The following HS3ST5 variants were observed in gnomAD, a reference collection of about 807,000 sequenced individuals.
HS3ST5 encodes heparan sulfate-glucosamine 3-sulfotransferase 5.
In HS3ST5, 10 loss-of-function variants were observed where a neutral mutation model predicts 25.4. The observed-to-expected ratio is 0.39, with a 90% CI of 0.24 to 0.67. The LOEUF (loss-of-function observed/expected upper bound fraction) is 0.67. Ranked by LOEUF, HS3ST5 falls within the 30% of genes least tolerant of loss-of-function variation. The pLI is 0.44. For missense variants in HS3ST5, 324 were observed against 420.7 expected (o/e 0.77, Z 2.01); for synonymous variants, 170 against 162.4 (o/e 1.05, Z -0.36).
chr6:114,245,680 G>T (rs530596311), intron 1 of HS3ST5, among the ~76,000 whole-genome samples: 1 of 152,302 alleles, frequency 6.6e-6, no homozygotes, highest in East Asian at 1.9e-4. Flanking sequence ...CTGATAGATT[G>T]CTCTGACACA....
intron 3 of HS3ST5, among the ~76,000 whole-genome samples, chr6:114,118,631 G>A (rs1374946941): frequency 6.6e-6 from 1 of 152,146 alleles, no homozygotes; most frequent in Admixed American, 6.6e-5. Flanking sequence ...CCCACAGGTG[G>A]GACAGGCCTC....
At chr6:114,133,668 A>G (rs1426912915) in intron 3 of HS3ST5, among the ~76,000 whole-genome samples, 1 of 152,240 alleles carries the variant, frequency 6.6e-6, no homozygotes, top group Non-Finnish European at 1.5e-5. Flanking sequence ...CAAAAATATA[A>G]GAAAAATAAT....
chr6:114,185,165 T>G (rs914760859), intron 2 of HS3ST5, among the ~76,000 whole-genome samples: 2 of 152,186 alleles, frequency 1.3e-5, no homozygotes, highest in Non-Finnish European at 2.9e-5. Flanking sequence ...GAAATAGGCA[T>G]GAGTTTTGAG....
At chr6:114,078,415 G>C (rs563077729) in intron 3 of HS3ST5, among the ~76,000 whole-genome samples, 15 of 151,972 alleles carry the variant, frequency 9.9e-5, no homozygotes, top group Middle Eastern at 3.4e-3. Context: ...TCACCATGTT[G>C]GCCAGGCTGG....
intron 1 of HS3ST5, among the ~76,000 whole-genome samples, chr6:114,317,631 T>C (rs1775793006): frequency 6.6e-6 from 1 of 152,170 alleles, no homozygotes. Flanking sequence ...GTACCTATAG[T>C]GGTAGGTTAG....
chr6:114,182,014 T>G (rs114516280), intron 2 of HS3ST5, among the ~76,000 whole-genome samples: 1 of 152,170 alleles, frequency 6.6e-6, no homozygotes. Flanking sequence ...TAATGTGTTT[T>G]TTAACATAAG....
chr6:114,155,433 G>GAAAAAAAGAAAAAAAGAC (rs1778656264), intron 3 of HS3ST5, among the ~76,000 whole-genome samples: 1 of 151,624 alleles, frequency 6.6e-6, no homozygotes, highest in Non-Finnish European at 1.5e-5. Context: ...GGAAAAAAGA[G>GAAAAAAAGAAAAAAAGAC]AAAAAAAGAA....
chr6:114,282,968 G>T (rs542861999), intron 1 of HS3ST5, among the ~76,000 whole-genome samples: 1 of 151,840 alleles, frequency 6.6e-6, no homozygotes, highest in Non-Finnish European at 1.5e-5. Flanking sequence ...AGAGTTCCAG[G>T]ACTTCTAAAC....
At chr6:114,130,734 T>G (rs1777286889) in intron 3 of HS3ST5, among the ~76,000 whole-genome samples, 1 of 152,168 alleles carries the variant, frequency 6.6e-6, no homozygotes, top group Non-Finnish European at 1.5e-5. Context: ...CACACCTGGC[T>G]AATTTTTTGT....
chr6:114,334,216 T>G lies in HS3ST5; in HGVS notation c.-339+7979A>C, dbSNP rs9374456. 1.7e-3 allele frequency among the ~76,000 whole-genome samples: 253 copies of G among 152,300 alleles called. 7 individuals are homozygous for G. The East Asian group carries it at 0.042, about 25-fold the overall frequency. On this transcript the variant is annotated intron_variant, in intron 1 of 4. Coordinates refer to ENST00000312719, the MANE Select transcript of HS3ST5 (RefSeq NM_153612.4). The stretch of plus-strand genomic sequence containing the variant: ...GTCCTTGAGCCTTTTCTGGATGTTT[T>G]CAAGGGTGCGAGGGGACCTTTCAGA...
intron 3 of HS3ST5, among the ~76,000 whole-genome samples, chr6:114,102,448 G>A (rs938129322): frequency 6.6e-6 from 1 of 152,112 alleles, no homozygotes; most frequent in African/African-American, 2.4e-5. Flanking sequence ...GAGGACTGGT[G>A]TTCTAGACCT....
intron 1 of HS3ST5, among the ~76,000 whole-genome samples, chr6:114,333,444 A>G (rs1464336948): frequency 2.0e-5 from 3 of 152,326 alleles, no homozygotes; most frequent in African/African-American, 7.2e-5. Flanking sequence ...TTGGTAGTAT[A>G]CAGTTGGAAG....
chr6:114,215,338 AC>A (rs1781702957), intron 2 of HS3ST5, among the ~76,000 whole-genome samples: 1 of 151,982 alleles, frequency 6.6e-6, no homozygotes, highest in South Asian at 2.1e-4. Context: ...AACAACAGCA[AC>A]AAAAAACTCA....
At chr6:114,182,612 A>G (rs1291140748) in intron 2 of HS3ST5, among the ~76,000 whole-genome samples, 1 of 152,186 alleles carries the variant, frequency 6.6e-6, no homozygotes, top group East Asian at 1.9e-4. Flanking sequence ...TTCCTGCAGT[A>G]GAATCAGTGG....
chr6:114,060,687 T>G (rs1773058649), intron 4 of HS3ST5, among the ~76,000 whole-genome samples: 1 of 152,174 alleles, frequency 6.6e-6, no homozygotes, highest in African/African-American at 2.4e-5. Flanking sequence ...GTGGCTGATA[T>G]AGACAGTCTC....
At chr6:114,272,530 G>A (rs559756325) in intron 1 of HS3ST5, among the ~76,000 whole-genome samples, 7 of 152,224 alleles carry the variant, frequency 4.6e-5, no homozygotes, top group African/African-American at 1.7e-4. Context: ...TACAAGGTGC[G>A]AAGATGTTAA....
chr6:114,255,708 C>T (rs148400621), intron 1 of HS3ST5, among the ~76,000 whole-genome samples: 3 of 151,940 alleles, frequency 2.0e-5, no homozygotes, highest in Non-Finnish European at 4.4e-5. Context: ...CATGTGGAAG[C>T]TGCCAAGGCT....
chr6:114,313,279 C>A (rs1775612741), intron 1 of HS3ST5, among the ~76,000 whole-genome samples: 1 of 152,074 alleles, frequency 6.6e-6, no homozygotes, highest in African/African-American at 2.4e-5. Flanking sequence ...CACTGGAAAA[C>A]AGTTTGATAG....
intron 1 of HS3ST5, among the ~76,000 whole-genome samples, chr6:114,303,681 A>C (rs1775177782): frequency 6.6e-6 from 1 of 152,124 alleles, no homozygotes; most frequent in Non-Finnish European, 1.5e-5. Flanking sequence ...AAACATCCTA[A>C]AGAATTTGGA....
Sources: gnomAD v4.1 joint callset for allele counts (sites outside exome capture counted in the v4.1 genomes callset) on GRCh38, gnomAD v4.1.1 for gene constraint, MANE v1.5 for transcripts, NCBI Gene and HGNC (gene_info 2026-07-23, HGNC 2026-07-21) for gene names.